The following UBE2E2 variants were observed in gnomAD, a reference collection of about 807,000 sequenced individuals.
UBE2E2 encodes ubiquitin conjugating enzyme E2 E2.
In UBE2E2, 6 loss-of-function variants were observed where a neutral mutation model predicts 24.7. The ratio of observed to expected loss-of-function variants is 0.24; its 90% CI spans 0.13 to 0.48. The LOEUF is 0.48. UBE2E2 is among the 20% of genes least tolerant of loss of function. The probability of loss-of-function intolerance (pLI) is 0.99; values close to 1 mark genes in which losing one functional copy is unlikely to be tolerated. For missense variants in UBE2E2, 169 were observed against 245.0 expected, an observed-to-expected ratio of 0.69 and a Z score of 2.07; for synonymous variants, 104 against 83.6, an observed-to-expected ratio of 1.24 and a Z score of -1.33.
intron 3 of UBE2E2, among the ~76,000 whole-genome samples, chr3:23,496,299 G>A (rs1699600742): frequency 6.6e-6 from 1 of 152,080 alleles, no homozygotes; most frequent in Admixed American, 6.6e-5. Context: ...CACATGGTAG[G>A]TGAGAAAACC....
intron 3 of UBE2E2, among the ~76,000 whole-genome samples, chr3:23,461,616 T>G (rs911305151): frequency 6.6e-5 from 10 of 150,928 alleles, no homozygotes; most frequent in Admixed American, 1.3e-4. Flanking sequence ...TTTATACAGG[T>G]TTTTTTTAAT....
chr3:23,243,882 T>A (rs1697318994), intron 3 of UBE2E2, among the ~76,000 whole-genome samples: 2 of 152,256 alleles, frequency 1.3e-5, no homozygotes. Flanking sequence ...TTACATTTTA[T>A]ATTAAAATTA....
At chr3:23,229,255 A>G (rs924801016) in intron 3 of UBE2E2, among the ~76,000 whole-genome samples, 3 of 152,142 alleles carry the variant, frequency 2.0e-5, no homozygotes, top group African/African-American at 7.2e-5. Flanking sequence ...AATCTTTACA[A>G]CTGTCTTTGA....
intron 3 of UBE2E2, among the ~76,000 whole-genome samples, chr3:23,433,502 A>G (rs769127613): frequency 1.3e-5 from 2 of 152,002 alleles, no homozygotes; most frequent in African/African-American, 4.8e-5. Context: ...GGCACTATGA[A>G]TTGGTTGTTT....
rs191451336 is a variant in UBE2E2, at chr3:23,567,111, T to A, written c.509-22623T>A. On this transcript the variant is annotated intron_variant, in intron 5 of 5. Transcript: ENST00000396703. ...TCATTTCATGTACCCAGTGGGTTAA[T>A]GCTTCTATAACTAAAACAAGCCATT... Among the ~76,000 whole-genome samples, 98 of 152,360 alleles carry A rather than the reference T, an allele frequency of 6.4e-4. 5 individuals carry two copies. The East Asian group carries it at 0.015, about 24-fold the overall frequency.
intron 3 of UBE2E2, among the ~76,000 whole-genome samples, chr3:23,392,448 G>T (rs1327979976): frequency 2.0e-5 from 3 of 152,046 alleles, no homozygotes; most frequent in Non-Finnish European, 4.4e-5. Flanking sequence ...TAGCTGCTTA[G>T]CCTTGGGTGA....
chr3:23,260,841 C>T (rs1216145221), intron 3 of UBE2E2, among the ~76,000 whole-genome samples: 1 of 152,110 alleles, frequency 6.6e-6, no homozygotes, highest in Non-Finnish European at 1.5e-5. Context: ...GATGGTGGCT[C>T]ATGCCTGTAA....
chr3:23,476,875 A>G (rs1369196448), intron 3 of UBE2E2, among the ~76,000 whole-genome samples: 2 of 152,144 alleles, frequency 1.3e-5, no homozygotes, highest in Non-Finnish European at 2.9e-5. Context: ...GATTGTGCCA[A>G]CATTTTAACT....
At chr3:23,512,298 G>T (rs1023658478) in intron 4 of UBE2E2, among the ~76,000 whole-genome samples, 1 of 151,354 alleles carries the variant, frequency 6.6e-6, no homozygotes, top group Non-Finnish European at 1.5e-5. Context: ...GCTCACTGCA[G>T]CCTCAACCTC....
intron 3 of UBE2E2, among the ~76,000 whole-genome samples, chr3:23,434,490 C>T (rs769622648): frequency 5.3e-5 from 8 of 152,084 alleles, no homozygotes; most frequent in Admixed American, 3.3e-4. Context: ...CCAAAATGAT[C>T]ACCCTATGTG....
At chr3:23,404,748 G>T (rs889509959) in intron 3 of UBE2E2, among the ~76,000 whole-genome samples, 23 of 152,112 alleles carry the variant, frequency 1.5e-4, no homozygotes, top group Admixed American at 2.0e-4. Flanking sequence ...ATCGCTAACT[G>T]TAGCGTTTAA....
chr3:23,533,353 A>G (rs1218053033), intron 5 of UBE2E2, among the ~76,000 whole-genome samples: 1 of 152,158 alleles, frequency 6.6e-6, no homozygotes, highest in Non-Finnish European at 1.5e-5. Context: ...AAAGATAGCT[A>G]TAGGGTTTTC....
At chr3:23,537,950 C>G (rs954228886) in intron 5 of UBE2E2, among the ~76,000 whole-genome samples, 7 of 152,120 alleles carry the variant, frequency 4.6e-5, no homozygotes, top group Admixed American at 6.6e-5. Flanking sequence ...ACATATAACA[C>G]CTCAGTAGGA....
At chr3:23,246,442 G>T (rs563470483) in intron 3 of UBE2E2, among the ~76,000 whole-genome samples, 6 of 120,576 alleles carry the variant, frequency 5.0e-5, no homozygotes, top group East Asian at 2.4e-4. Flanking sequence ...TCAGTATGTT[G>T]GCCAGGATGG....
At chr3:23,565,415 G>A (rs1001292905) in intron 5 of UBE2E2, among the ~76,000 whole-genome samples, 4 of 90,568 alleles carry the variant, frequency 4.4e-5, no homozygotes, top group African/African-American at 1.7e-4. Flanking sequence ...GATTTCTTTT[G>A]TATGTCCTTA....
At chr3:23,462,316 A>G (rs767019580) in intron 3 of UBE2E2, among the ~76,000 whole-genome samples, 1 of 152,170 alleles carries the variant, frequency 6.6e-6, no homozygotes, top group African/African-American at 2.4e-5. Flanking sequence ...TCAAGCTACC[A>G]AGACAATTGA....
intron 1 of UBE2E2, chr3:23,204,846 T>C (rs904699354): frequency 2.0e-5 from 16 of 790,008 alleles, no homozygotes; most frequent in Admixed American, 1.3e-4. Flanking sequence ...AAGACATATA[T>C]GACAGAATTA....
intron 3 of UBE2E2, among the ~76,000 whole-genome samples, chr3:23,275,574 AC>A (rs771408403): frequency 6.6e-6 from 1 of 152,176 alleles, no homozygotes. Context: ...AGAATGACTT[AC>A]CTGCTTTGTG....
intron 3 of UBE2E2, among the ~76,000 whole-genome samples, chr3:23,240,382 C>T (rs532276146): frequency 4.6e-5 from 7 of 152,144 alleles, no homozygotes; most frequent in Non-Finnish European, 7.3e-5. Flanking sequence ...CAAACACTTA[C>T]CAAATAAACA....
Sources: allele counts gnomAD v4.1 joint callset (sites outside exome capture counted in the v4.1 genomes callset), GRCh38; gene constraint gnomAD v4.1.1; transcripts MANE v1.5; gene names NCBI Gene and HGNC (gene_info 2026-07-23, HGNC 2026-07-21).